PRPH2: variants seen among roughly 807,000 people sequenced by gnomAD.
The protein encoded by PRPH2 is peripherin-2.
PRPH2 carries 17 observed loss-of-function variants against 31.3 expected under a neutral mutation model. The observed-to-expected ratio is 0.54, with a 90% confidence interval of 0.37 to 0.81. PRPH2 has a LOEUF of 0.81. PRPH2 is among the 40% of genes least tolerant of loss of function. PRPH2 has a pLI of 0.00. For missense variants in PRPH2, 430 were observed against 439.7 expected, an observed-to-expected ratio of 0.98 and a Z score of 0.20; for synonymous variants, 165 against 184.4, an observed-to-expected ratio of 0.89 and a Z score of 0.85.
In PRPH2 at chr6:42,719,689, C is replaced by A. The variant is rs143367935; in HGVS notation, c.581+2065G>T. ...TGGTTCAAGCGTTCTCCCGCCTCAG[C>A]CTCCTGAGTAGCTGGGATTACAGGC... is the stretch of plus-strand genomic sequence containing the variant. On this transcript the variant is annotated intron_variant, in intron 1 of 2. Transcript: ENST00000230381. Among the ~76,000 whole-genome samples the A allele has an allele frequency of 6.6e-3, 997 of 151,506 alleles. 6 individuals carry two copies. Among genetic ancestry groups the A allele is most frequent in the African/African-American group, 0.024 (970 of 41,258 alleles).
chr6:42,700,742 C>A (rs1800030779), intron 2 of PRPH2, among the ~76,000 whole-genome samples: 2 of 152,122 alleles, frequency 1.3e-5, no homozygotes, highest in East Asian at 3.9e-4. Context: ...AATTAGACAT[C>A]ATCTCCTGAC....
chr6:42,718,800 A>G (rs1395013718), intron 1 of PRPH2, among the ~76,000 whole-genome samples: 1 of 151,788 alleles, frequency 6.6e-6, no homozygotes, highest in Non-Finnish European at 1.5e-5. Flanking sequence ...CCACAGGTGC[A>G]AGCCACCACT....
Position 42,698,485 on chromosome 6 carries a change from C to T in PRPH2, c.851G>A (p.Arg284His), listed in dbSNP as rs962365465. ...ACCATCCAGCGACGTCTGTAGGTAGCGCAGCCCAATTGTAATGGTCACCTG... is the reference window on the plus strand; with the variant it reads ...ACCATCCAGCGACGTCTGTAGGTAGTGCAGCCCAATTGTAATGGTCACCTG... ...LFEVTITIGL[R>H]YLQTSLDGVS... is the part of the protein sequence containing the mutation. The change falls in exon 3 of 3, where the codon CGC (arginine) becomes CAC (histidine). Residue 284 changes from arginine to histidine, a missense_variant. Arg to His is a conservative substitution (Grantham distance 29). Transcript: ENST00000230381. 5 of 1,614,152 alleles carry T rather than the reference C, an allele frequency of 3.1e-6. No individual in the cohort carries two copies. The highest frequency in any genetic ancestry group is 4.2e-6 in the Non-Finnish European group (5 of 1,180,020).
Position 42,697,291 on chromosome 6 carries a change from T to G in PRPH2, c.*1004A>C, listed in dbSNP as rs544390276. ...GAAATAGTGTTTTTCAAGATGGGTA[T>G]CTGGGGGGAAGAAACGGAAGAAGCT... On this transcript the variant is annotated 3_prime_UTR_variant, in exon 3 of 3. Coordinates refer to ENST00000230381, the MANE Select transcript of PRPH2 (RefSeq NM_000322.5). 2 of 152,182 alleles carry G rather than the reference T, an allele frequency of 1.3e-5. No homozygotes were observed. Among genetic ancestry groups the G allele is most frequent in the Non-Finnish European group, 2.9e-5 (2 of 68,050 alleles). The allele number at this position is 152,182 out of a possible 1,614,324, so 9.4% of individuals were successfully genotyped here. A position where few individuals can be genotyped will look rare whatever the true frequency, so the allele number is the denominator to read the frequency against.
intron 1 of PRPH2, among the ~76,000 whole-genome samples, chr6:42,708,278 T>C (rs912232188): frequency 6.6e-6 from 1 of 152,194 alleles, no homozygotes; most frequent in Non-Finnish European, 1.5e-5. Context: ...CCACCCTCCA[T>C]GGTGGGCCTG....
At chr6:42,716,011 A>T (rs1761770159) in intron 1 of PRPH2, among the ~76,000 whole-genome samples, 1 of 152,224 alleles carries the variant, frequency 6.6e-6, no homozygotes, top group South Asian at 2.1e-4. Flanking sequence ...TGAAGTGCCC[A>T]CTGCACAGAA....
intron 1 of PRPH2, among the ~76,000 whole-genome samples, chr6:42,709,890 G>GTGGCC (rs1800243215): frequency 6.6e-6 from 1 of 152,072 alleles, no homozygotes; most frequent in Non-Finnish European, 1.5e-5. Context: ...CTACCCTCAG[G>GTGGCC]TACCTACCAG....
intron 1 of PRPH2, among the ~76,000 whole-genome samples, chr6:42,718,839 T>C (rs1215254824): frequency 2.6e-5 from 4 of 151,518 alleles, no homozygotes; most frequent in Non-Finnish European, 4.4e-5. Context: ...GTTTTGGGCT[T>C]TTTTTTTAAG....
rs765805559 is a variant in PRPH2 at position 42,704,345 on chromosome 6, C to G, written c.828+20G>C. The G allele has an allele frequency of 2.6e-5, 41 of 1,603,462 alleles. No individual in the cohort carries two copies. The highest frequency in any genetic ancestry group is 3.4e-5 in the Non-Finnish European group (40 of 1,175,230). On this transcript the variant is annotated intron_variant, in intron 2 of 2. Transcript: ENST00000230381. Reference sequence around the variant, plus strand: ...CGGAGGCTCTCCTTACCCTCTACCCCCAGCTGGCCCAGGGCCTACCTCGAA... The same window carrying G: ...CGGAGGCTCTCCTTACCCTCTACCCGCAGCTGGCCCAGGGCCTACCTCGAA...
At chr6:42,716,394 T>C (rs975694660) in intron 1 of PRPH2, among the ~76,000 whole-genome samples, 1 of 93,318 alleles carries the variant, frequency 1.1e-5, no homozygotes, top group African/African-American at 4.3e-5. Context: ...ACCCTATCTC[T>C]ATTTTTTTTT....
chr6:42,706,975 C>CTTTTTTTTTTTTT (rs34162811), intron 1 of PRPH2, among the ~76,000 whole-genome samples: 1 of 123,642 alleles, frequency 8.1e-6, no homozygotes, highest in African/African-American at 3.1e-5. Flanking sequence ...TCTTGGAGAT[C>CTTTTTTTTTTTTT]TTTTTTTTTT....
chr6:42,715,728 T>A (rs1761764949), intron 1 of PRPH2, among the ~76,000 whole-genome samples: 1 of 152,152 alleles, frequency 6.6e-6, no homozygotes, highest in Non-Finnish European at 1.5e-5. Flanking sequence ...AAATATGGAA[T>A]TGTTTCTGCC....
Position 42,713,919 on chromosome 6 carries a change from C to CAAA in PRPH2, c.581+7832_581+7834dup, listed in dbSNP as rs55805454. Among the ~76,000 whole-genome samples the CAAA allele has an allele frequency of 4.5e-4, 17 of 38,094 alleles. 1 individual carries two copies. Among genetic ancestry groups the CAAA allele is most frequent in the African/African-American group, 6.8e-4 (7 of 10,228 alleles). 25.0% of individuals were successfully genotyped at this position (38,094 alleles called of 152,430 possible). A position where few individuals can be genotyped will look rare whatever the true frequency, so the allele number is the denominator to read the frequency against. On this transcript the variant is annotated intron_variant, in intron 1 of 2. Transcript: ENST00000230381. Reference sequence around the variant, plus strand: ...TGGGTGACTGAGCAAGACTCCATCTCAAAAAAAAAAAAAAAAAAAAAAAAA... The same window carrying CAAA: ...TGGGTGACTGAGCAAGACTCCATCTCAAAAAAAAAAAAAAAAAAAAAAAAAAAA...
chr6:42,717,633 C>A (rs1761813503), intron 1 of PRPH2, among the ~76,000 whole-genome samples: 1 of 152,158 alleles, frequency 6.6e-6, no homozygotes, highest in Non-Finnish European at 1.5e-5. Context: ...ACTCACTAAA[C>A]CCTCCAAAAT....
At position 42,722,181 on chromosome 6, in the gene PRPH2, T is replaced by G. The variant is rs1331100917; in HGVS notation, c.154A>C (p.Met52Leu). The change falls in exon 1 of 3, where the codon ATG (methionine) becomes CTG (leucine). Residue 52 changes from methionine (M) to leucine (L), a missense_variant. By Grantham distance (15) the Met-to-Leu change is conservative. Coordinates refer to ENST00000230381, the MANE Select transcript of PRPH2 (RefSeq NM_000322.5). This position sits in a 1 kb window ranked among gnomAD's most constrained non-coding sequence, Gnocchi z 4.4. ...ACAAAATGGCTCTCAGAATTATTCA[T>G]CACATCGCTCCTCTTTCGGAGTTCA... The part of the protein sequence containing the change: ...KIELRKRSDV[M>L]NNSESHFVPN... The G allele has an allele frequency of 6.2e-7, 1 of 1,614,170 alleles. No homozygotes were observed. Among genetic ancestry groups the G allele is most frequent in the Non-Finnish European group, 8.5e-7 (1 of 1,180,028 alleles).
Position 42,722,104 on chromosome 6 carries a change from CAGCG to C in PRPH2, c.227_230del (p.Ser76TrpfsTer22). The C allele has an allele frequency of 6.2e-7, 1 of 1,614,200 alleles. No homozygotes were observed. The highest frequency in any genetic ancestry group is 8.5e-7 in the Non-Finnish European group (1 of 1,180,038). ...GGGCGTCGTAGCAGATCTTCCCAGC[CAGCG>C]AGTTGAAGACACAGGATAGCACCCC... On this transcript the variant is annotated frameshift_variant, in exon 1 of 3. Coordinates refer to ENST00000230381, the MANE Select transcript of PRPH2 (RefSeq NM_000322.5). LOFTEE classifies it high-confidence loss of function. The surrounding 1 kb of genome is among the most constrained non-coding windows in gnomAD (Gnocchi z 4.4).
intron 1 of PRPH2, among the ~76,000 whole-genome samples, chr6:42,713,807 C>A (rs772447952): frequency 7.3e-5 from 11 of 150,736 alleles, no homozygotes; most frequent in Non-Finnish European, 1.5e-4. Context: ...GTAATCCCAG[C>A]TACTCAGGAG....
chr6:42,701,029 T>A lies in PRPH2; in HGVS notation c.829-2522A>T, dbSNP rs534782832. ...GAGATAGAGTCTGGCTCTGTTAGAG[T>A]GCAGTGTTGAGATCATGGCTTACAG... On this transcript the variant is annotated intron_variant, in intron 2 of 2. Transcript: ENST00000230381. Among the ~76,000 whole-genome samples, 20 of 149,974 alleles carry A rather than the reference T, an allele frequency of 1.3e-4. No homozygotes were observed. In the South Asian group the frequency reaches 3.8e-3, roughly 28 times the overall value.
At chr6:42,711,548 G>A (rs927112689) in intron 1 of PRPH2, among the ~76,000 whole-genome samples, 4 of 108,352 alleles carry the variant, frequency 3.7e-5, no homozygotes, top group African/African-American at 1.6e-4. Context: ...CATCCTCAGG[G>A]AGCCCCGGTC....
Sources: allele counts gnomAD v4.1 joint callset (sites outside exome capture counted in the v4.1 genomes callset), GRCh38; gene constraint gnomAD v4.1.1; non-coding constraint Gnocchi (gnomAD v3.1); transcripts MANE v1.5; gene names NCBI Gene and HGNC (gene_info 2026-07-23, HGNC 2026-07-21).